Variants in HPS1 observed in about 807,000 individuals in gnomAD.
HPS1 encodes BLOC-3 complex member HPS1.
In HPS1, 59 loss-of-function variants were observed where a neutral mutation model predicts 90.6. The ratio of observed to expected loss-of-function variants is 0.65; its 90% CI spans 0.53 to 0.81. The LOEUF (loss-of-function observed/expected upper bound fraction) is 0.81, where lower values mean the gene tolerates loss of function less well. HPS1 is among the 30% of genes least tolerant of loss of function. The probability of loss-of-function intolerance (pLI) is 0.00; values close to 1 mark genes in which losing one functional copy is unlikely to be tolerated. For missense variants in HPS1, 849 were observed against 896.7 expected (o/e 0.95, Z 0.68); for synonymous variants, 388 against 384.4 (o/e 1.01, Z -0.11).
Position 98,417,774 on chromosome 10 carries a change from C to T in HPS1, c.1941-48G>A. ...GATTCAGGAGTGAGGCTGTGGCACT[C>T]CTCCAGCGCCAGAGGCCTCTCTGGG... is the stretch of plus-strand genomic sequence containing the variant. On this transcript the variant is annotated intron_variant, in intron 19 of 19. Transcript: ENST00000361490. The surrounding 1 kb of genome is among the most constrained non-coding windows in gnomAD (Gnocchi z 4.2). 2 of 1,575,852 alleles carry T rather than the reference C, an allele frequency of 1.3e-6. No homozygotes were observed. Among genetic ancestry groups the T allele is most frequent in the Non-Finnish European group, 1.7e-6 (2 of 1,146,490 alleles).
intron 6 of HPS1, among the ~76,000 whole-genome samples, chr10:98,432,051 T>C (rs966569800): frequency 6.6e-6 from 1 of 152,210 alleles, no homozygotes; most frequent in Admixed American, 6.5e-5. Context: ...GACTATCATA[T>C]TGGACAGATC....
intron 3 of HPS1, among the ~76,000 whole-genome samples, chr10:98,436,147 T>G (rs1045595084): frequency 4.6e-5 from 7 of 152,150 alleles, no homozygotes; most frequent in Non-Finnish European, 1.0e-4. Context: ...AAATTTGTCC[T>G]AAGGAAAATG....
rs118008616 is a variant in HPS1 at position 98,437,706 on chromosome 10, T to C, written c.118-1934A>G. Among the ~76,000 whole-genome samples the C allele has an allele frequency of 1.0e-3, 154 of 152,352 alleles. 4 individuals carry two copies. In the East Asian group the frequency reaches 0.025, roughly 25 times the overall value. On this transcript the variant is annotated intron_variant, in intron 3 of 19. Transcript: ENST00000361490. ...TTCACATGACAAGGAAATCACCTAATGATGAGTTTGTTATTAACAGAATGT... is the reference window on the plus strand; with the variant it reads ...TTCACATGACAAGGAAATCACCTAACGATGAGTTTGTTATTAACAGAATGT...
At chr10:98,421,991 C>G (rs1456628344) in intron 17 of HPS1, among the ~76,000 whole-genome samples, 4 of 149,820 alleles carry the variant, frequency 2.7e-5, no homozygotes, top group Non-Finnish European at 6.0e-5. Flanking sequence ...CACACACACA[C>G]ACACACACAC....
intron 3 of HPS1, among the ~76,000 whole-genome samples, chr10:98,441,049 G>C (rs1938324716): frequency 6.6e-6 from 1 of 152,194 alleles, no homozygotes; most frequent in South Asian, 2.1e-4. Flanking sequence ...GAGTGATGTT[G>C]ATGGTAAATG....
intron 6 of HPS1, 105 bp from the exon 7 acceptor site, chr10:98,431,396 C>A (rs1346244621): frequency 8.2e-7 from 1 of 1,224,036 alleles, no homozygotes; most frequent in Non-Finnish European, 1.2e-6. Flanking sequence ...TGAGCTTGGA[C>A]TCTGCACCAG....
At position 98,425,681 on chromosome 10, in the gene HPS1, T is replaced by C. The variant is rs1845509724; in HGVS notation, c.1195A>G (p.Met399Val). 6.2e-7 allele frequency: 1 copy of C among 1,613,342 alleles called. No homozygotes were observed. The highest frequency in any genetic ancestry group is 1.7e-5 in the Admixed American group (1 of 60,014). ...TTCTCCAGCATGGAGAAGCCATCCA[T>C]CAGCTGGGACAGAACCAGGGCCAGG... is the stretch of plus-strand genomic sequence containing the variant. ...APLALVLSQL[M>V]DGFSMLEKKL... The change falls in exon 13 of 20, where the codon ATG becomes GTG. Residue 399 changes from methionine to valine, a missense_variant. Met to Val is a conservative substitution (Grantham distance 21, BLOSUM62 1). Transcript: ENST00000361490.
rs1939421713 is a variant in HPS1, at chr10:98,445,900, G to A, written c.-105-496C>T. ...ACCTCTCTGAGCCTCAAACTCCTGCGGAGAAACAGAGCAACATCCCCTACT... is the reference window on the plus strand; with the variant it reads ...ACCTCTCTGAGCCTCAAACTCCTGCAGAGAAACAGAGCAACATCCCCTACT... On this transcript the variant is annotated intron_variant, in intron 1 of 19. Coordinates refer to ENST00000361490, the MANE Select transcript of HPS1 (RefSeq NM_000195.5). The surrounding 1 kb of genome is among the most constrained non-coding windows in gnomAD (Gnocchi z 4.5). 6.6e-6 allele frequency among the ~76,000 whole-genome samples: 1 copy of A among 152,214 alleles called. No homozygotes were observed.
At chr10:98,430,352 A>C (rs1846253551) in intron 8 of HPS1, among the ~76,000 whole-genome samples, 1 of 152,138 alleles carries the variant, frequency 6.6e-6, no homozygotes, top group African/African-American at 2.4e-5. Flanking sequence ...ACCATGGCTG[A>C]CTTGAAAAAT....
chr10:98,439,027 A>G (rs1348732811), intron 3 of HPS1, among the ~76,000 whole-genome samples: 1 of 152,222 alleles, frequency 6.6e-6, no homozygotes, highest in Non-Finnish European at 1.5e-5. Context: ...GGTGACCTAC[A>G]TGTGGTATTG....
chr10:98,431,304 G>A lies in HPS1; in HGVS notation c.508-13C>T. ...GTCGCTCCAGGGCCTAGCCAGGGCA[G>A]GAAGGGAGAGGAAGCCATATCACCA... On this transcript the variant is annotated splice_polypyrimidine_tract_variant and intron_variant, in intron 6 of 19. Transcript: ENST00000361490. 1 of 1,612,590 alleles carries A rather than the reference G, an allele frequency of 6.2e-7. No individual in the cohort carries two copies.
At chr10:98,422,248 T>G in intron 17 of HPS1, 121 bp downstream of exon 17, 1 of 1,063,244 alleles carries the variant, frequency 9.4e-7, no homozygotes, top group Middle Eastern at 3.0e-4. Context: ...CACTGGCCAC[T>G]GCCTCCTTGG....
Position 98,417,580 on chromosome 10 carries a change from C to A in HPS1, c.2087G>T (p.Arg696Leu). 18 of 1,611,064 alleles carry A rather than the reference C, an allele frequency of 1.1e-5. No individual in the cohort carries two copies. Among genetic ancestry groups the A allele is most frequent in the Non-Finnish European group, 1.5e-5 (18 of 1,179,232 alleles). ...QLARRLWEASRIPLL is the reference protein window; with the variant it reads ...QLARRLWEASLIPLL ...CACCTTGGCCTAGAGCAGGGGGATACGGGAGGCCTCCCAGAGGCGCCGGGC... is the reference window on the plus strand; with the variant it reads ...CACCTTGGCCTAGAGCAGGGGGATAAGGGAGGCCTCCCAGAGGCGCCGGGC... Residue 696 changes from arginine (R) to leucine (L), a missense_variant, in exon 20 of 20, where the codon CGT becomes CTT. Coordinates refer to ENST00000361490, the MANE Select transcript of HPS1 (RefSeq NM_000195.5). This position sits in a 1 kb window ranked among gnomAD's most constrained non-coding sequence, Gnocchi z 4.2.
In HPS1 at chr10:98,417,995, A is replaced by G. The variant is rs950436095; in HGVS notation, c.1940+180T>C. ...CAGCAGGAAGGTGGTAGGAACACAG[A>G]TGTACCCTCCACACCCGTCCTCCCT... On this transcript the variant is annotated intron_variant, in intron 19 of 19. Coordinates refer to ENST00000361490, the MANE Select transcript of HPS1 (RefSeq NM_000195.5). This position sits in a 1 kb window ranked among gnomAD's most constrained non-coding sequence, Gnocchi z 4.2. Among the ~76,000 whole-genome samples the G allele has an allele frequency of 9.2e-5, 14 of 152,100 alleles. No homozygotes were observed. The highest frequency in any genetic ancestry group is 1.9e-4 in the Non-Finnish European group (13 of 68,008).
rs186441379 is a variant in HPS1, at chr10:98,421,786, T to G, written c.1743+583A>C. On this transcript the variant is annotated intron_variant, in intron 17 of 19. Coordinates refer to ENST00000361490, the MANE Select transcript of HPS1 (RefSeq NM_000195.5). ...TAACTCTGTGATGTAAATAGCACTA[T>G]TATTTCCTTCTACAGATGAGGAAAC... is the stretch of plus-strand genomic sequence containing the variant. 2.3e-3 allele frequency among the ~76,000 whole-genome samples: 349 copies of G among 152,354 alleles called. 1 individual carries two copies. Among genetic ancestry groups the G allele is most frequent in the South Asian group, 4.6e-3 (22 of 4,824 alleles).
Position 98,435,159 on chromosome 10 carries a change from C to A in HPS1, c.398+113G>T, listed in dbSNP as rs759556453. The stretch of plus-strand genomic sequence containing the variant: ...TGAGCTGTTTCTCTGACCTAGGGAC[C>A]CAGCTGGGGGCAGTATGTGAAAAAT... On this transcript the variant is annotated intron_variant, in intron 5 of 19. Transcript: ENST00000361490. The surrounding 1 kb of genome is among the most constrained non-coding windows in gnomAD (Gnocchi z 4.3). 3.8e-6 allele frequency: 5 copies of A among 1,315,296 alleles called. No individual in the cohort carries two copies. In the Admixed American group the frequency reaches 5.2e-5, roughly 14 times the overall value. The allele number at this position is 1,315,296 out of a possible 1,614,324, so 81.5% of individuals were successfully genotyped here.
Position 98,424,353 on chromosome 10 carries a change from C to A in HPS1, c.1357G>T (p.Ala453Ser), listed in dbSNP as rs1486309871. The A allele has an allele frequency of 1.9e-6, 3 of 1,612,848 alleles. No homozygotes were observed. The highest frequency in any genetic ancestry group is 2.5e-6 in the Non-Finnish European group (3 of 1,179,542). The change falls in exon 14 of 20, where the codon GCC becomes TCC. Residue 453 changes from alanine to serine, a missense_variant. Physicochemically the swap from Ala to Ser is moderately conservative, Grantham distance 99. Transcript: ENST00000361490. ...GGCTCACTTTTGGAGAAAGCCTTGG[C>A]CTTAAACTCCAGCCAGGTGCTCTGG... is the stretch of plus-strand genomic sequence containing the variant. ...EIQSTWLEFKAKAFSKSEPGS... is the reference protein window; with the variant it reads ...EIQSTWLEFKSKAFSKSEPGS...
At chr10:98,414,036 G>GTA (rs1337658771), downstream of HPS1, 1 of 151,614 alleles carries the variant, frequency 6.6e-6, no homozygotes, top group African/African-American at 2.4e-5. Context: ...GTGTATATGT[G>GTA]TATATATATG....
rs1847197848 is a variant in HPS1, at chr10:98,435,569, A to C, written c.255+66T>G. 1 of 1,610,174 alleles carries C rather than the reference A, an allele frequency of 6.2e-7. No individual in the cohort carries two copies. The highest frequency in any genetic ancestry group is 1.3e-5 in the African/African-American group (1 of 74,768). On this transcript the variant is annotated intron_variant, in intron 4 of 19. Transcript: ENST00000361490. This position sits in a 1 kb window ranked among gnomAD's most constrained non-coding sequence, Gnocchi z 4.3. ...AAAGGAGTCTAAAGTTCCAAATAAG[A>C]GAGGCCTGTGGACTCCCCATCAAGC...
Sources: allele counts gnomAD v4.1 joint callset (sites outside exome capture counted in the v4.1 genomes callset), GRCh38; gene constraint gnomAD v4.1.1; non-coding constraint Gnocchi (gnomAD v3.1); transcripts MANE v1.5; gene names NCBI Gene and HGNC (gene_info 2026-07-23, HGNC 2026-07-21).